The following ODR4 variants were observed in gnomAD, a reference collection of about 807,000 sequenced individuals.
ODR4 encodes the protein protein odr-4 homolog.
Under a neutral mutation model 60.2 loss-of-function variants are expected in ODR4, and 47 were observed. That is an observed-to-expected ratio of 0.78 (90% confidence interval 0.62 to 1.00). ODR4 has a LOEUF of 1.00. Ranked by LOEUF, ODR4 falls within the 50% of genes least tolerant of loss-of-function variation. The pLI is 0.00. For synonymous variants in ODR4, 178 were observed against 175.5 expected (o/e 1.01, Z -0.11); for missense variants, 488 against 530.8 (o/e 0.92, Z 0.79).
chr1:186,413,588 A>T (rs1417347640), intron 12 of ODR4, among the ~76,000 whole-genome samples: 1 of 152,172 alleles, frequency 6.6e-6, no homozygotes, highest in Non-Finnish European at 1.5e-5. Context: ...AGTACCATCT[A>T]AAAAAATTTG....
At chr1:186,396,324 C>T (rs1660669844) in intron 9 of ODR4, among the ~76,000 whole-genome samples, 1 of 152,158 alleles carries the variant, frequency 6.6e-6, no homozygotes, top group East Asian at 1.9e-4. Flanking sequence ...TAAAACTTTT[C>T]CTGGCTGAGC....
At chr1:186,409,400 T>C (rs1661290484) in intron 12 of ODR4, among the ~76,000 whole-genome samples, 1 of 152,244 alleles carries the variant, frequency 6.6e-6, no homozygotes, top group African/African-American at 2.4e-5. Context: ...GTTGTGTTTC[T>C]AGCACTTTAC....
At chr1:186,424,246 A>G (rs558231858), downstream of ODR4, among the ~76,000 whole-genome samples, 1 of 152,344 alleles carries the variant, frequency 6.6e-6, no homozygotes, top group East Asian at 1.9e-4. Flanking sequence ...GAGTAATCTT[A>G]AAAATGATAA....
rs201881790 is a variant in ODR4, at chr1:186,406,171, C to T, written c.1089C>T (p.Asp363=). 1.9e-3 allele frequency: 3,071 copies of T among 1,611,704 alleles called. 13 individuals are homozygous for T. Among genetic ancestry groups the T allele is most frequent in the South Asian group, 8.1e-3 (732 of 90,726 alleles). The part of the protein sequence containing the change: ...STVMLCDYKF[D]DESAEEIRDH... ...TAATGTTGTGTGATTATAAATTTGA[C>T]GATGAGTCAGCTGAAGAAATCAGGG... The change falls in exon 12 of 14, where the codon GAC becomes GAT. Residue 363 remains aspartate (D), a synonymous_variant. Transcript: ENST00000287859.
At chr1:186,387,437 T>G (rs1405086954) in intron 4 of ODR4, among the ~76,000 whole-genome samples, 1 of 152,192 alleles carries the variant, frequency 6.6e-6, no homozygotes, top group Non-Finnish European at 1.5e-5. Flanking sequence ...GTGGGCCCAG[T>G]GCTAGAGAGA....
In ODR4 at chr1:186,383,232, A is replaced by C. The variant is rs1660110474; in HGVS notation, c.234+76A>C. ...TAGAATCAAGAAGATTTAGTGAATG[A>C]GTAGAGAGAAGAGACATAGGGAGAA... On this transcript the variant is annotated intron_variant, in intron 3 of 13. Transcript: ENST00000287859. 2.1e-6 allele frequency: 3 copies of C among 1,431,094 alleles called. No homozygotes were observed. In the South Asian group the frequency reaches 4.2e-5, roughly 20 times the overall value. 88.6% of individuals were successfully genotyped at this position (1,431,094 alleles called of 1,614,324 possible).
chr1:186,387,279 A>G (rs1375273163), intron 4 of ODR4, among the ~76,000 whole-genome samples: 1 of 152,162 alleles, frequency 6.6e-6, no homozygotes, highest in East Asian at 1.9e-4. Context: ...CCCTCTGCCA[A>G]CTTTTCCATC....
At chr1:186,407,933 G>A (rs957467748) in intron 12 of ODR4, among the ~76,000 whole-genome samples, 2 of 152,000 alleles carry the variant, frequency 1.3e-5, no homozygotes, top group Non-Finnish European at 2.9e-5. Context: ...TGAAGAAAAG[G>A]TCTATCGCTT....
chr1:186,386,788 T>G (rs1380675574), intron 4 of ODR4, among the ~76,000 whole-genome samples: 1 of 152,170 alleles, frequency 6.6e-6, no homozygotes, highest in Non-Finnish European at 1.5e-5. Context: ...TTTACCTTCT[T>G]CTCAATTCTC....
At chr1:186,389,708 T>C in intron 6 of ODR4, 84 bp downstream of exon 6, 1 of 931,056 alleles carries the variant, frequency 1.1e-6, no homozygotes, top group Non-Finnish European at 1.6e-6. Context: ...TTTAATAATT[T>C]CCATTGCCAT....
At chr1:186,405,117 A>G (rs1430098465) in intron 11 of ODR4, among the ~76,000 whole-genome samples, 6 of 152,182 alleles carry the variant, frequency 3.9e-5, no homozygotes, top group Non-Finnish European at 8.8e-5. Context: ...ACAAAGAAGC[A>G]TAAGTAAACA....
At chr1:186,379,492 G>C (rs1659939243) in intron 1 of ODR4, among the ~76,000 whole-genome samples, 3 of 148,710 alleles carry the variant, frequency 2.0e-5, no homozygotes, top group African/African-American at 7.4e-5. Flanking sequence ...TACTAGTTTA[G>C]TATCCTCTCC....
chr1:186,381,157 T>C (rs1660002895), intron 2 of ODR4, among the ~76,000 whole-genome samples: 1 of 152,198 alleles, frequency 6.6e-6, no homozygotes. Context: ...TTCTTTCTCT[T>C]TGTTTAAAAC....
intron 11 of ODR4, among the ~76,000 whole-genome samples, chr1:186,403,272 C>T (rs1455259149): frequency 6.6e-6 from 1 of 151,606 alleles, no homozygotes; most frequent in Admixed American, 6.6e-5. Context: ...TTTGTGGATA[C>T]ATAGTAGGTA....
At chr1:186,393,534 G>A (rs1397738808) in intron 8 of ODR4, among the ~76,000 whole-genome samples, 2 of 152,204 alleles carry the variant, frequency 1.3e-5, no homozygotes, top group African/African-American at 4.8e-5. Flanking sequence ...TTAAAGCAGG[G>A]ATCAGCAAAC....
Position 186,390,852 on chromosome 1 carries a change from G to A in ODR4, c.615+1G>A. Reference sequence around the variant, plus strand: ...CTATACTCTGGAGAAAAATACAAAGGTACCAGGGTAAAATGAATTTTCTTC... The same window carrying A: ...CTATACTCTGGAGAAAAATACAAAGATACCAGGGTAAAATGAATTTTCTTC... On this transcript the variant is annotated splice_donor_variant, in intron 7 of 13. Coordinates refer to ENST00000287859, the MANE Select transcript of ODR4 (RefSeq NM_017847.6). LOFTEE classifies it high-confidence loss of function. The A allele has an allele frequency of 1.2e-6, 2 of 1,609,572 alleles. No individual in the cohort carries two copies. The highest frequency in any genetic ancestry group is 1.7e-6 in the Non-Finnish European group (2 of 1,177,258).
chr1:186,422,048 A>G (rs544903980), downstream of ODR4, among the ~76,000 whole-genome samples: 1 of 152,212 alleles, frequency 6.6e-6, no homozygotes, highest in African/African-American at 2.4e-5. Context: ...CAATTACCCA[A>G]TTAAATGATA....
chr1:186,394,396 GATTA>G (rs1017195572), intron 9 of ODR4, among the ~76,000 whole-genome samples: 3 of 152,064 alleles, frequency 2.0e-5, no homozygotes, highest in African/African-American at 4.8e-5. Flanking sequence ...TTTTGAAGTA[GATTA>G]ATTAGATTTA....
intron 12 of ODR4, among the ~76,000 whole-genome samples, chr1:186,416,074 A>ATT (rs921131605): frequency 6.8e-6 from 1 of 148,132 alleles, no homozygotes; most frequent in African/African-American, 2.5e-5. Flanking sequence ...TCTTTTTCAC[A>ATT]TTTTTTTTTT....
Sources: gnomAD v4.1 joint callset for allele counts (sites outside exome capture counted in the v4.1 genomes callset) on GRCh38, gnomAD v4.1.1 for gene constraint, MANE v1.5 for transcripts, NCBI Gene and HGNC (gene_info 2026-07-23, HGNC 2026-07-21) for gene names.